Variants in MRPS9 observed in about 807,000 individuals in gnomAD.
MRPS9 encodes mitochondrial ribosomal protein S9.
In MRPS9, 45 loss-of-function variants were observed where a neutral mutation model predicts 59.9. The ratio of observed to expected loss-of-function variants is 0.75; its 90% CI spans 0.59 to 0.96. The LOEUF is 0.96. MRPS9 is among the 40% of genes least tolerant of loss of function. MRPS9 has a pLI of 0.00. For missense variants in MRPS9, 473 were observed against 481.1 expected (o/e 0.98, Z 0.16); for synonymous variants, 171 against 166.8 (o/e 1.03, Z -0.19).
At chr2:105,068,076 G>A (rs537029585) in intron 2 of MRPS9, among the ~76,000 whole-genome samples, 1 of 152,104 alleles carries the variant, frequency 6.6e-6, no homozygotes, top group Non-Finnish European at 1.5e-5. Flanking sequence ...TGCTTTGTCT[G>A]CCTTACACCT....
intron 5 of MRPS9, among the ~76,000 whole-genome samples, chr2:105,087,968 G>T (rs993123192): frequency 2.6e-5 from 4 of 152,078 alleles, no homozygotes; most frequent in African/African-American, 9.7e-5. Context: ...TGGTAATATG[G>T]CAGTCTAATC....
intron 2 of MRPS9, among the ~76,000 whole-genome samples, chr2:105,069,389 AT>A (rs1680068408): frequency 6.6e-6 from 1 of 151,704 alleles, no homozygotes; most frequent in Non-Finnish European, 1.5e-5. Context: ...TAATTTTTGT[AT>A]TTTTAGTAGA....
intron 2 of MRPS9, among the ~76,000 whole-genome samples, chr2:105,062,622 C>T (rs749776859): frequency 1.1e-4 from 16 of 152,160 alleles, no homozygotes; most frequent in South Asian, 2.1e-4. Context: ...ACCTTGTAAC[C>T]ATTTAATGAA....
chr2:105,091,255 G>A (rs995812722), intron 7 of MRPS9: 1 of 470,786 alleles, frequency 2.1e-6, no homozygotes, highest in South Asian at 1.5e-5. Context: ...GGATGTGGAG[G>A]TGGTCAGTGA....
chr2:105,038,299 C>T, intron 1 of MRPS9, 72 bp downstream of exon 1: 3 of 1,551,272 alleles, frequency 1.9e-6, no homozygotes. Flanking sequence ...GGACACCTTC[C>T]CCCAGCGTCT....
intron 2 of MRPS9, among the ~76,000 whole-genome samples, chr2:105,054,420 T>A (rs918148891): frequency 6.6e-6 from 1 of 152,198 alleles, no homozygotes; most frequent in African/African-American, 2.4e-5. Context: ...TCCTGTAGGT[T>A]GATATTGTCT....
At chr2:105,092,367 C>G (rs746717225) in intron 7 of MRPS9, 34 bp from the exon 8 acceptor site, 4 of 1,549,320 alleles carry the variant, frequency 2.6e-6, no homozygotes, top group Non-Finnish European at 3.5e-6. Flanking sequence ...TGCAATTACA[C>G]TTGCACCTTC....
chr2:105,081,406 G>T (rs1680339838), intron 5 of MRPS9, among the ~76,000 whole-genome samples: 1 of 152,184 alleles, frequency 6.6e-6, no homozygotes, highest in South Asian at 2.1e-4. Flanking sequence ...CCTTTAGACT[G>T]TATGCTACAT....
intron 5 of MRPS9, among the ~76,000 whole-genome samples, chr2:105,086,432 A>T (rs1365773774): frequency 6.6e-6 from 1 of 152,224 alleles, no homozygotes; most frequent in East Asian, 1.9e-4. Context: ...TCATAGAAGA[A>T]TACTTTAAGA....
intron 1 of MRPS9, among the ~76,000 whole-genome samples, chr2:105,048,751 T>G (rs2104440878): frequency 6.6e-6 from 1 of 152,032 alleles, no homozygotes; most frequent in African/African-American, 2.4e-5. Context: ...CCATGCCGTT[T>G]GCTGTCGTGT....
At position 105,097,251 on chromosome 2, in the gene MRPS9, A is replaced by G. The variant is rs1364094720; in HGVS notation, c.1026A>G (p.Gly342=). ...GGGGCGGGAGGTCAGCGCAGGCTGG[A>G]GCAATACGACTGGCAATGGCAAAAG... ...VSGGGRSAQA[G]AIRLAMAKAL... Residue 342 remains glycine, a synonymous_variant, in exon 10 of 11, where the codon GGA becomes GGG. Coordinates refer to ENST00000258455, the MANE Select transcript of MRPS9 (RefSeq NM_182640.3). The G allele has an allele frequency of 1.2e-6, 2 of 1,613,206 alleles. No homozygotes were observed. The highest frequency in any genetic ancestry group is 4.5e-5 in the East Asian group (2 of 44,772).
In MRPS9 at chr2:105,072,803, T is replaced by C. The variant is rs570287491; in HGVS notation, c.409+1314T>C. Among the ~76,000 whole-genome samples, 4 of 152,332 alleles carry C rather than the reference T, an allele frequency of 2.6e-5. No individual in the cohort carries two copies. In the South Asian group the frequency reaches 8.3e-4, roughly 32 times the overall value. Reference sequence around the variant, plus strand: ...CTAGGCATTTATTCTCTTATTCCAGTTCACTCTTGGAAATGATAACTTTTA... The same window carrying C: ...CTAGGCATTTATTCTCTTATTCCAGCTCACTCTTGGAAATGATAACTTTTA... On this transcript the variant is annotated intron_variant, in intron 4 of 10. Transcript: ENST00000258455.
In MRPS9 at chr2:105,064,987, A is replaced by T. The variant is rs555113532; in HGVS notation, c.316-6326A>T. Among the ~76,000 whole-genome samples the T allele has an allele frequency of 1.8e-3, 273 of 152,238 alleles. 2 individuals carry two copies. Among genetic ancestry groups the T allele is most frequent in the African/African-American group, 6.1e-3 (252 of 41,558 alleles). ...TAGGTCCTGTGTATATTATTTTTTC[A>T]TGCCGTTTTATGTGTACTATTACAG... On this transcript the variant is annotated intron_variant, in intron 2 of 10. Coordinates refer to ENST00000258455, the MANE Select transcript of MRPS9 (RefSeq NM_182640.3).
intron 10 of MRPS9, among the ~76,000 whole-genome samples, chr2:105,098,868 C>T (rs1260054018): frequency 6.6e-6 from 1 of 152,122 alleles, no homozygotes; most frequent in Non-Finnish European, 1.5e-5. Flanking sequence ...AGAGCTTTCC[C>T]ATCAGTGGTA....
chr2:105,081,192 G>A (rs1193115048), intron 5 of MRPS9, among the ~76,000 whole-genome samples: 3 of 152,190 alleles, frequency 2.0e-5, no homozygotes, highest in Non-Finnish European at 4.4e-5. Context: ...CCCCTGCAGT[G>A]CTAAGAAATA....
chr2:105,038,407 A>G (rs2104433949), intron 1 of MRPS9, 180 bp downstream of exon 1: 3 of 740,956 alleles, frequency 4.0e-6, no homozygotes, highest in Middle Eastern at 3.9e-4. Flanking sequence ...TAGCCGCTCT[A>G]GAGGTTGTTA....
intron 5 of MRPS9, 66 bp downstream of exon 5, chr2:105,080,128 C>A: frequency 9.0e-7 from 1 of 1,109,468 alleles, no homozygotes; most frequent in Non-Finnish European, 1.3e-6. Flanking sequence ...ATACTGGATA[C>A]TGTTCGCAGC....
intron 6 of MRPS9, among the ~76,000 whole-genome samples, chr2:105,089,539 A>G (rs1680516496): frequency 6.6e-6 from 1 of 152,158 alleles, no homozygotes; most frequent in East Asian, 1.9e-4. Flanking sequence ...AGTTAAGTTA[A>G]ATGCACTCCT....
chr2:105,087,111 A>C (rs1255406275), intron 5 of MRPS9, among the ~76,000 whole-genome samples: 2 of 152,108 alleles, frequency 1.3e-5, no homozygotes. Flanking sequence ...TAAATTGTAA[A>C]CTTTTACTTT....
Sources: allele counts gnomAD v4.1 joint callset (sites outside exome capture counted in the v4.1 genomes callset), GRCh38; gene constraint gnomAD v4.1.1; transcripts MANE v1.5; gene names NCBI Gene and HGNC (gene_info 2026-07-23, HGNC 2026-07-21).